TEX11: variants seen among roughly 807,000 people sequenced by gnomAD.
TEX11 encodes the protein testis-expressed protein 11.
In TEX11, 7 loss-of-function variants were observed where a neutral mutation model predicts 84.4. That is an observed-to-expected ratio of 0.08 (90% confidence interval 0.05 to 0.16). TEX11 has a LOEUF of 0.16. Ranked by LOEUF, TEX11 falls within the 10% of genes least tolerant of loss-of-function variation. TEX11 has a pLI of 1.00. For missense variants in TEX11, 551 were observed against 660.5 expected (o/e 0.83, Z 1.82); for synonymous variants, 264 against 222.8 (o/e 1.18, Z -1.64).
chrX:70,723,997 G>A (rs1340010595), intron 12 of TEX11: 6 of 614,451 alleles, frequency 9.8e-6, no homozygotes, highest in Non-Finnish European at 1.2e-5. Context: ...TTGCAACTTC[G>A]GGAGTATCTA....
At chrX:70,574,339 T>C (rs1370081282) in intron 25 of TEX11, among the ~76,000 whole-genome samples, 1 of 111,837 alleles carries the variant, frequency 8.9e-6, no homozygotes, top group Non-Finnish European at 1.9e-5. Flanking sequence ...CTTCTCACTA[T>C]AAGCAAAGTC....
At chrX:70,601,950 C>G (rs1335880750) in intron 24 of TEX11, among the ~76,000 whole-genome samples, 2 of 110,892 alleles carry the variant, frequency 1.8e-5, no homozygotes. Flanking sequence ...CCACACAGAC[C>G]CGGCAACCAT....
chrX:70,812,631 C>A (rs1161485381), intron 8 of TEX11, among the ~76,000 whole-genome samples: 1 of 111,120 alleles, frequency 9.0e-6, no homozygotes, highest in African/African-American at 3.3e-5. Context: ...ACACAAAAAA[C>A]CCTTCAAAAA....
At chrX:70,866,005 T>C (rs1278231284) in intron 4 of TEX11, among the ~76,000 whole-genome samples, 7 of 109,743 alleles carry the variant, frequency 6.4e-5, no homozygotes, top group Non-Finnish European at 1.3e-4. Context: ...GCAAACAAAT[T>C]CAAAAGCCAC....
At chrX:70,865,851 A>C (rs1218027403) in intron 4 of TEX11, among the ~76,000 whole-genome samples, 1 of 112,125 alleles carries the variant, frequency 8.9e-6, no homozygotes, top group Admixed American at 9.5e-5. Flanking sequence ...ATGAGAACAA[A>C]GAGACAACAT....
the TEX11 span, among the ~76,000 whole-genome samples, chrX:70,517,121 C>T: frequency 9.0e-6 from 1 of 111,500 alleles, no homozygotes; most frequent in African/African-American, 3.3e-5. Context: ...ATTTCTTTCT[C>T]TTCCCTGATT....
At chrX:70,554,322 C>G (rs1206259121) in intron 26 of TEX11, among the ~76,000 whole-genome samples, 1 of 112,017 alleles carries the variant, frequency 8.9e-6, no homozygotes, top group African/African-American at 3.2e-5. Context: ...TGAGCTCCCC[C>G]TGTTGTGTAG....
intron 25 of TEX11, among the ~76,000 whole-genome samples, chrX:70,560,338 T>TG (rs1472711302): frequency 3.6e-5 from 4 of 110,111 alleles, no homozygotes; most frequent in African/African-American, 1.3e-4. Flanking sequence ...TTAGTAGAGA[T>TG]GGGGTTTCTC....
chrX:70,559,857 G>T (rs1047541532), intron 25 of TEX11, among the ~76,000 whole-genome samples: 1 of 111,816 alleles, frequency 8.9e-6, no homozygotes, highest in Non-Finnish European at 1.9e-5. Context: ...TTTCACCTGA[G>T]TATATATCTA....
chrX:70,853,409 G>A (rs1471520339), intron 5 of TEX11, 81 bp from the exon 6 acceptor site: 1 of 654,546 alleles, frequency 1.5e-6, no homozygotes. Context: ...AGAAAATATT[G>A]AATCCTCTGT....
rs977721776 is a variant in TEX11, at chrX:70,737,715, A to T, written c.843+2986T>A. ...CCCCAAAAAAAGCTGTCTGGTTTAA[A>T]TTCTATACCTGGAAAAAATATCATT... is the stretch of plus-strand genomic sequence containing the variant. On this transcript the variant is annotated intron_variant, in intron 11 of 29. Coordinates refer to ENST00000374333, the MANE Select transcript of TEX11 (RefSeq NM_031276.3). Among the ~76,000 whole-genome samples, 11 of 109,561 alleles carry T rather than the reference A, an allele frequency of 1.0e-4. 1 individual carries two copies. The Admixed American group carries it at 1.1e-3, about 11-fold the overall frequency.
chrX:70,640,313 G>A (rs1280314657), intron 17 of TEX11, among the ~76,000 whole-genome samples: 2 of 105,505 alleles, frequency 1.9e-5, no homozygotes, highest in Non-Finnish European at 3.9e-5. Flanking sequence ...TGAAAGTGAT[G>A]GGGAGAATGG....
At chrX:70,871,763 TTCTTC>T (rs1368260093) in intron 4 of TEX11, among the ~76,000 whole-genome samples, 1 of 108,304 alleles carries the variant, frequency 9.2e-6, no homozygotes, top group Non-Finnish European at 1.9e-5. Context: ...TCCTTCCCTT[TTCTTC>T]TCTTATCTCT....
rs1318859578 is a variant in TEX11, at chrX:70,668,927, A to G, written c.1380+1450T>C. ...TGTCTGCACACACTCCTATTCCTCA[A>G]AGATTTGTGTACTGTCTCAGAGTCC... On this transcript the variant is annotated intron_variant, in intron 16 of 29. Coordinates refer to ENST00000374333, the MANE Select transcript of TEX11 (RefSeq NM_031276.3). Among the ~76,000 whole-genome samples, 3 of 111,548 alleles carry G rather than the reference A, an allele frequency of 2.7e-5. No homozygotes were observed. In the Admixed American group the frequency reaches 2.9e-4, roughly 11 times the overall value.
intron 18 of TEX11, among the ~76,000 whole-genome samples, chrX:70,628,990 T>A (rs1217563152): frequency 8.9e-6 from 1 of 112,308 alleles, no homozygotes; most frequent in Non-Finnish European, 1.9e-5. Context: ...TTCAGCCATC[T>A]TAATCGATTT....
Position 70,591,789 on chromosome X carries a change from T to C in TEX11, c.2102A>G (p.Gln701Arg), listed in dbSNP as rs2088934829. Reference sequence around the variant, plus strand: ...GAAATTATGGATGTCATTGCATGTCTGGATCTCCTCAAGTGCACGACTCAG... The same window carrying C: ...GAAATTATGGATGTCATTGCATGTCCGGATCTCCTCAAGTGCACGACTCAG... The part of the protein sequence containing the change: ...MFLSRALEEI[Q>R]TCNDIHNFLK... Residue 701 changes from glutamine to arginine, a missense_variant, in exon 25 of 30, where the codon CAG becomes CGG. Gln to Arg is a conservative substitution (Grantham distance 43, BLOSUM62 1). Transcript: ENST00000374333. 3.3e-6 allele frequency: 4 copies of C among 1,208,633 alleles called. No individual in the cohort carries two copies. In the African/African-American group the frequency reaches 7.0e-5, roughly 21 times the overall value.
chrX:70,741,981 A>G (rs1386052360), intron 10 of TEX11, among the ~76,000 whole-genome samples: 1 of 112,047 alleles, frequency 8.9e-6, no homozygotes, highest in East Asian at 2.8e-4. Flanking sequence ...AAAGACTTAC[A>G]GAAAAGTATA....
At position 70,624,939 on chromosome X, in the gene TEX11, T is replaced by C. The variant is rs1373627833; in HGVS notation, c.1609-15A>G. ...TGTTGTCCATTCTAAAAAGAACAAA[T>C]ATAATACGTTAAATTACATCTCAAA... On this transcript the variant is annotated splice_polypyrimidine_tract_variant and intron_variant, in intron 18 of 29. Coordinates refer to ENST00000374333, the MANE Select transcript of TEX11 (RefSeq NM_031276.3). 5.4e-6 allele frequency: 6 copies of C among 1,115,225 alleles called. No individual in the cohort carries two copies. The highest frequency in any genetic ancestry group is 7.4e-6 in the Non-Finnish European group (6 of 813,871). The allele number at this position is 1,115,225 out of a possible 1,213,427, so 91.9% of individuals were successfully genotyped here. A position where few individuals can be genotyped will look rare whatever the true frequency, so the allele number is the denominator to read the frequency against.
At chrX:70,524,772 G>C (rs1050386053), downstream of TEX11, among the ~76,000 whole-genome samples, 8 of 112,001 alleles carry the variant, frequency 7.1e-5, no homozygotes, top group Non-Finnish European at 1.5e-4. Flanking sequence ...CTCCATGTTG[G>C]TCAGGCTGGT....
Sources: gnomAD v4.1 joint callset for allele counts (sites outside exome capture counted in the v4.1 genomes callset) on GRCh38, gnomAD v4.1.1 for gene constraint, MANE v1.5 for transcripts, NCBI Gene and HGNC (gene_info 2026-07-23, HGNC 2026-07-21) for gene names.